The following SLC2A13 variants were observed in gnomAD, a reference collection of about 807,000 sequenced individuals.
SLC2A13 encodes the protein solute carrier family 2 member 13.
A neutral mutation model predicts 64.4 loss-of-function variants in SLC2A13; 32 were observed. The observed-to-expected ratio is 0.50, with a 90% confidence interval of 0.37 to 0.67. The LOEUF is 0.67. Among genes scored for constraint, SLC2A13 ranks in the 30% least tolerant of loss-of-function variants. SLC2A13 has a pLI of 0.00. For synonymous variants in SLC2A13, 338 were observed against 327.1 expected, an observed-to-expected ratio of 1.03 and a Z score of -0.36; for missense variants, 743 against 829.2, an observed-to-expected ratio of 0.90 and a Z score of 1.28.
At chr12:39,886,132 T>C (rs1944459222) in intron 4 of SLC2A13, among the ~76,000 whole-genome samples, 1 of 152,206 alleles carries the variant, frequency 6.6e-6, no homozygotes, top group South Asian at 2.1e-4. Flanking sequence ...AATTTTATTG[T>C]TCCTTTTCCA....
At chr12:39,862,700 G>C (rs946446868) in intron 6 of SLC2A13, among the ~76,000 whole-genome samples, 1 of 152,116 alleles carries the variant, frequency 6.6e-6, no homozygotes. Context: ...AATGTATATA[G>C]ATGGTTTTTA....
At chr12:39,869,153 T>G (rs570002499) in intron 5 of SLC2A13, among the ~76,000 whole-genome samples, 162 of 152,178 alleles carry the variant, frequency 1.1e-3, no homozygotes, top group African/African-American at 3.8e-3. Context: ...AAAAACACAC[T>G]GAAATAAAAA....
intron 4 of SLC2A13, among the ~76,000 whole-genome samples, chr12:39,917,138 T>C (rs1016336763): frequency 9.2e-5 from 14 of 152,220 alleles, no homozygotes; most frequent in Non-Finnish European, 1.6e-4. Flanking sequence ...CAAACAAATC[T>C]AAAATTCAAA....
At chr12:39,780,635 G>T (rs1592130837) in intron 7 of SLC2A13, among the ~76,000 whole-genome samples, 1 of 152,176 alleles carries the variant, frequency 6.6e-6, no homozygotes, top group East Asian at 1.9e-4. Flanking sequence ...TGAGCTAGAA[G>T]TTAAAATATC....
At chr12:39,920,549 T>C (rs969880382) in intron 4 of SLC2A13, among the ~76,000 whole-genome samples, 1 of 152,080 alleles carries the variant, frequency 6.6e-6, no homozygotes, top group African/African-American at 2.4e-5. Flanking sequence ...GGTTCTTTCC[T>C]TCATGTAGCA....
intron 4 of SLC2A13, among the ~76,000 whole-genome samples, chr12:39,881,557 C>T (rs1257447000): frequency 1.3e-5 from 2 of 152,134 alleles, no homozygotes; most frequent in Non-Finnish European, 2.9e-5. Flanking sequence ...TTTCAGATCA[C>T]CTATTTATAC....
chr12:39,759,962 T>C lies in SLC2A13; in HGVS notation c.*64A>G. On this transcript the variant is annotated 3_prime_UTR_variant, in exon 10 of 10. Coordinates refer to ENST00000280871, the MANE Select transcript of SLC2A13 (RefSeq NM_052885.4). Reference sequence around the variant, plus strand: ...CCAGATTAGAAGCAGGGCAGTGAAGTCACCAATTGCTGTTCTTCTCCCCCC... The same window carrying C: ...CCAGATTAGAAGCAGGGCAGTGAAGCCACCAATTGCTGTTCTTCTCCCCCC... The C allele has an allele frequency of 8.0e-7, 1 of 1,250,216 alleles. No homozygotes were observed. Among genetic ancestry groups the C allele is most frequent in the Non-Finnish European group, 1.2e-6 (1 of 864,872 alleles). 77.4% of individuals were successfully genotyped at this position (1,250,216 alleles called of 1,614,324 possible). A position where few individuals can be genotyped will look rare whatever the true frequency, so the allele number is the denominator to read the frequency against.
chr12:39,773,388 T>A (rs1300692757), intron 7 of SLC2A13, among the ~76,000 whole-genome samples: 2 of 152,180 alleles, frequency 1.3e-5, no homozygotes, highest in Non-Finnish European at 2.9e-5. Context: ...CCTGTTCCAA[T>A]CATGGAATAC....
chr12:40,037,423 A>T (rs1221682343), intron 2 of SLC2A13, among the ~76,000 whole-genome samples: 2 of 152,098 alleles, frequency 1.3e-5, no homozygotes, highest in Non-Finnish European at 2.9e-5. Flanking sequence ...TTTCAAAACC[A>T]GCCCAGGAAA....
chr12:39,808,062 C>G (rs1003239701), intron 7 of SLC2A13, among the ~76,000 whole-genome samples: 7 of 152,088 alleles, frequency 4.6e-5, no homozygotes, highest in Admixed American at 3.3e-4. Context: ...ATCCATGTAA[C>G]CACTACCACA....
At chr12:40,013,720 CA>C (rs1236975501) in intron 3 of SLC2A13, among the ~76,000 whole-genome samples, 1 of 152,172 alleles carries the variant, frequency 6.6e-6, no homozygotes, top group Non-Finnish European at 1.5e-5. Flanking sequence ...CACTAATGTA[CA>C]AAAGATGAGA....
chr12:39,996,938 A>C (rs1947241567), intron 3 of SLC2A13, among the ~76,000 whole-genome samples: 1 of 152,216 alleles, frequency 6.6e-6, no homozygotes, highest in South Asian at 2.1e-4. Flanking sequence ...TAGAATCAAT[A>C]TTGTGATAAT....
intron 4 of SLC2A13, among the ~76,000 whole-genome samples, chr12:39,887,930 C>G (rs771970788): frequency 5.1e-4 from 77 of 152,176 alleles, no homozygotes; most frequent in Non-Finnish European, 1.9e-4. Context: ...CCTTTTCCTT[C>G]TAATTTCAGG....
chr12:39,970,863 T>A (rs1289445224), intron 3 of SLC2A13, among the ~76,000 whole-genome samples: 1 of 152,226 alleles, frequency 6.6e-6, no homozygotes, highest in Non-Finnish European at 1.5e-5. Flanking sequence ...ACTATATAGA[T>A]GCCAGTGCAA....
chr12:39,863,707 A>C (rs1943825495), intron 6 of SLC2A13, among the ~76,000 whole-genome samples: 1 of 152,172 alleles, frequency 6.6e-6, no homozygotes, highest in Admixed American at 6.5e-5. Flanking sequence ...TCAGTGAGCC[A>C]ATAATAAACA....
At chr12:39,855,650 ATAAT>A (rs1191458628) in intron 6 of SLC2A13, among the ~76,000 whole-genome samples, 3 of 152,212 alleles carry the variant, frequency 2.0e-5, no homozygotes, top group Non-Finnish European at 4.4e-5. Context: ...GTTTATTAAA[ATAAT>A]TAACTACAAA....
At chr12:39,850,260 T>C (rs1193276569) in intron 6 of SLC2A13, among the ~76,000 whole-genome samples, 1 of 152,210 alleles carries the variant, frequency 6.6e-6, no homozygotes. Context: ...TATGAGTTTT[T>C]CTATTGTATT....
At chr12:40,100,096 G>GA (rs528336498) in intron 1 of SLC2A13, among the ~76,000 whole-genome samples, 4 of 151,726 alleles carry the variant, frequency 2.6e-5, no homozygotes, top group Non-Finnish European at 4.4e-5. Flanking sequence ...AGTGCTGTTT[G>GA]AAAAAAAATG....
chr12:39,802,652 T>C (rs1451610118), intron 7 of SLC2A13, among the ~76,000 whole-genome samples: 1 of 152,178 alleles, frequency 6.6e-6, no homozygotes, highest in Admixed American at 6.5e-5. Flanking sequence ...ACTATATGTA[T>C]ATATAGTTAC....
Sources: allele counts gnomAD v4.1 joint callset (sites outside exome capture counted in the v4.1 genomes callset), GRCh38; gene constraint gnomAD v4.1.1; transcripts MANE v1.5; gene names NCBI Gene and HGNC (gene_info 2026-07-23, HGNC 2026-07-21).